NXN: variants seen among roughly 807,000 people sequenced by gnomAD.
NXN encodes nucleoredoxin 1.
A neutral mutation model predicts 48.6 loss-of-function variants in NXN; 16 were observed. That is an observed-to-expected ratio of 0.33 (90% CI 0.22 to 0.50). The LOEUF (loss-of-function observed/expected upper bound fraction) is 0.50, where lower values mean the gene tolerates loss of function less well. Ranked by LOEUF, NXN falls within the 20% of genes least tolerant of loss-of-function variation. NXN has a pLI of 0.98. For missense variants in NXN, 492 were observed against 605.5 expected (o/e 0.81, Z 1.97); for synonymous variants, 281 against 269.6 (o/e 1.04, Z -0.41).
intron 5 of NXN, among the ~76,000 whole-genome samples, chr17:815,175 G>A (rs901414310): frequency 2.0e-5 from 3 of 152,336 alleles, no homozygotes; most frequent in Middle Eastern, 3.4e-3. Flanking sequence ...CCTGCCACCC[G>A]GTAGGTTTTG....
intron 1 of NXN, among the ~76,000 whole-genome samples, chr17:829,296 C>G (rs1462652731): frequency 6.6e-6 from 1 of 151,872 alleles, no homozygotes; most frequent in African/African-American, 2.4e-5. Context: ...GCTGGGATTA[C>G]AGGCATGCAC....
At chr17:965,989 A>G (rs1408619914) in intron 1 of NXN, among the ~76,000 whole-genome samples, 1 of 151,232 alleles carries the variant, frequency 6.6e-6, no homozygotes, top group Non-Finnish European at 1.5e-5. Context: ...GGTGGCGGGC[A>G]CCTGTAGTCC....
chr17:955,655 G>A (rs767836784), intron 1 of NXN, among the ~76,000 whole-genome samples: 4 of 149,440 alleles, frequency 2.7e-5, no homozygotes, highest in Admixed American at 1.3e-4. Context: ...CCAGCACCTC[G>A]GGAGGCCGAG....
chr17:855,901 G>A (rs887447403), intron 1 of NXN, among the ~76,000 whole-genome samples: 1 of 152,062 alleles, frequency 6.6e-6, no homozygotes, highest in Non-Finnish European at 1.5e-5. Context: ...GAAGATAAGA[G>A]GGTCCAATCT....
At chr17:947,883 CAAAAAAA>C (rs71145800) in intron 1 of NXN, among the ~76,000 whole-genome samples, 7 of 119,256 alleles carry the variant, frequency 5.9e-5, no homozygotes, top group African/African-American at 2.0e-4. Context: ...TACTGAAATA[CAAAAAAA>C]AAAAAAAAAA....
At chr17:896,588 G>A (rs1282425175) in intron 1 of NXN, among the ~76,000 whole-genome samples, 1 of 152,168 alleles carries the variant, frequency 6.6e-6, no homozygotes, top group African/African-American at 2.4e-5. Flanking sequence ...AAACTTACCA[G>A]ACGTTAACTA....
At chr17:866,094 A>G (rs1455092622) in intron 1 of NXN, among the ~76,000 whole-genome samples, 1 of 152,228 alleles carries the variant, frequency 6.6e-6, no homozygotes, top group East Asian at 1.9e-4. Context: ...GGGCAAGTAA[A>G]TTACGCTCTA....
At chr17:901,654 A>G (rs79493253) in intron 1 of NXN, among the ~76,000 whole-genome samples, 52 of 152,234 alleles carry the variant, frequency 3.4e-4, no homozygotes, top group Non-Finnish European at 6.0e-4. Flanking sequence ...TGTCCCATAA[A>G]CACTCAGCCT....
chr17:890,570 TG>T (rs370821023), intron 1 of NXN, among the ~76,000 whole-genome samples: 3 of 146,116 alleles, frequency 2.1e-5, no homozygotes, highest in African/African-American at 8.2e-5. Flanking sequence ...TTAGTAGAGA[TG>T]GGGTTTTCAC....
rs968984077 is a variant in NXN at position 919,432 on chromosome 17, A to G, written c.360+59887T>C. 2.0e-5 allele frequency among the ~76,000 whole-genome samples: 3 copies of G among 152,198 alleles called. No homozygotes were observed. Among genetic ancestry groups the G allele is most frequent in the Admixed American group, 6.5e-5 (1 of 15,270 alleles). On this transcript the variant is annotated intron_variant, in intron 1 of 7. Transcript: ENST00000336868. This position sits in a 1 kb window ranked among gnomAD's most constrained non-coding sequence, Gnocchi z 5.1. ...CAGCTTTTATTACAATACTCTGTCA[A>G]TGCAGGGCAATCATTCCTTAAGATG...
At position 915,016 on chromosome 17, in the gene NXN, C is replaced by T. The variant is rs565867433; in HGVS notation, c.360+64303G>A. Among the ~76,000 whole-genome samples, 8 of 152,008 alleles carry T rather than the reference C, an allele frequency of 5.3e-5. No homozygotes were observed. In the South Asian group the frequency reaches 1.7e-3, roughly 32 times the overall value. ...GTGGTGCGATCTCGGCTCACTCCAA[C>T]TTCTGCCTCCCAGGTTCAAGAGATT... On this transcript the variant is annotated intron_variant, in intron 1 of 7. Coordinates refer to ENST00000336868, the MANE Select transcript of NXN (RefSeq NM_022463.5).
intron 1 of NXN, among the ~76,000 whole-genome samples, chr17:968,466 G>A (rs879568206): frequency 1.3e-5 from 2 of 151,836 alleles, no homozygotes; most frequent in African/African-American, 2.4e-5. Context: ...CCAGCTACTC[G>A]GGAGGCTGAG....
intron 1 of NXN, among the ~76,000 whole-genome samples, chr17:913,101 T>C (rs1459644731): frequency 2.0e-5 from 3 of 152,242 alleles, no homozygotes; most frequent in African/African-American, 7.2e-5. Flanking sequence ...ATAGAAGTTT[T>C]ATATTACAGT....
intron 1 of NXN, among the ~76,000 whole-genome samples, chr17:845,088 C>T (rs986045928): frequency 1.3e-5 from 2 of 152,044 alleles, no homozygotes; most frequent in African/African-American, 4.8e-5. Flanking sequence ...GAGAGAACTC[C>T]TAGGACCAGC....
chr17:876,876 G>A (rs371719122), intron 1 of NXN, among the ~76,000 whole-genome samples: 1 of 151,928 alleles, frequency 6.6e-6, no homozygotes, highest in Non-Finnish European at 1.5e-5. Flanking sequence ...GTGAAACCCC[G>A]TCTCTACTAA....
chr17:941,555 C>T (rs2068976281), intron 1 of NXN, among the ~76,000 whole-genome samples: 2 of 71,334 alleles, frequency 2.8e-5, no homozygotes, highest in East Asian at 4.6e-4. Flanking sequence ...AGGGTGCAGC[C>T]ATGAACTCAC....
chr17:911,405 T>C (rs372688496), intron 1 of NXN, among the ~76,000 whole-genome samples: 1 of 144,762 alleles, frequency 6.9e-6, no homozygotes, highest in African/African-American at 2.6e-5. Context: ...AGTGGCGCGA[T>C]CTCGGCTTGC....
chr17:929,483 A>G (rs1418621941), intron 1 of NXN, among the ~76,000 whole-genome samples: 6 of 152,244 alleles, frequency 3.9e-5, no homozygotes, highest in African/African-American at 1.4e-4. Context: ...TGTGAAGAAC[A>G]TCCCAGTTTT....
intron 1 of NXN, among the ~76,000 whole-genome samples, chr17:921,380 C>CG: frequency 6.6e-6 from 1 of 152,238 alleles, no homozygotes; most frequent in African/African-American, 2.4e-5. Context: ...CAACACCCAG[C>CG]GGAACCCGTC....
Sources: gnomAD v4.1 joint callset for allele counts (sites outside exome capture counted in the v4.1 genomes callset) on GRCh38, gnomAD v4.1.1 for gene constraint, Gnocchi (gnomAD v3.1) non-coding constraint, MANE v1.5 for transcripts, NCBI Gene and HGNC (gene_info 2026-07-23, HGNC 2026-07-21) for gene names.